Variants in SBF2 observed in about 807,000 individuals in gnomAD.
SBF2 encodes SET binding factor 2.
In SBF2, 112 loss-of-function variants were observed where a neutral mutation model predicts 225.2. The observed-to-expected ratio is 0.50, with a 90% CI of 0.43 to 0.58. SBF2 has a LOEUF of 0.58. SBF2 is among the 20% of genes least tolerant of loss of function. The pLI, the probability that SBF2 is intolerant of heterozygous loss-of-function variation, is 0.00. For synonymous variants in SBF2, 763 were observed against 773.3 expected (o/e 0.99, Z 0.22); for missense variants, 1,996 against 2,206.2 (o/e 0.90, Z 1.91).
At chr11:10,105,834 T>C (rs770287056) in intron 2 of SBF2, among the ~76,000 whole-genome samples, 16 of 152,108 alleles carry the variant, frequency 1.1e-4, no homozygotes, top group Non-Finnish European at 2.2e-4. Flanking sequence ...ACTCTAAAAA[T>C]ACAATCTAAT....
chr11:10,282,149 A>G (rs1963449082), intron 1 of SBF2, among the ~76,000 whole-genome samples: 1 of 152,142 alleles, frequency 6.6e-6, no homozygotes, highest in Non-Finnish European at 1.5e-5. Flanking sequence ...TTTTCAGCAC[A>G]TTTGACATTT....
At chr11:10,271,993 A>T in intron 1 of SBF2, 1 of 863,892 alleles carries the variant, frequency 1.2e-6, no homozygotes, top group Non-Finnish European at 1.7e-6. Context: ...TTGAGACTTG[A>T]AGGCAGTCAT....
chr11:10,290,424 C>T (rs534373487), intron 1 of SBF2, among the ~76,000 whole-genome samples: 7 of 152,038 alleles, frequency 4.6e-5, no homozygotes, highest in South Asian at 2.1e-4. Flanking sequence ...GAGTGGGGTA[C>T]GAAGTGTGTC....
In SBF2 at chr11:9,862,693, T is replaced by C. The variant is rs529783716; in HGVS notation, c.1930-4297A>G. ...TTTTAGTAAACAGAGAAAATAAGCATCTATGGATAAAACTATCTTCTGATT... is the reference window on the plus strand; with the variant it reads ...TTTTAGTAAACAGAGAAAATAAGCACCTATGGATAAAACTATCTTCTGATT... On this transcript the variant is annotated intron_variant, in intron 17 of 39. Coordinates refer to ENST00000256190, the MANE Select transcript of SBF2 (RefSeq NM_030962.4). 2.6e-5 allele frequency among the ~76,000 whole-genome samples: 4 copies of C among 152,140 alleles called. No homozygotes were observed. In the South Asian group the frequency reaches 6.2e-4, roughly 24 times the overall value.
At chr11:9,904,609 T>C (rs1029740881) in intron 16 of SBF2, among the ~76,000 whole-genome samples, 5 of 152,212 alleles carry the variant, frequency 3.3e-5, no homozygotes, top group Admixed American at 6.5e-5. Flanking sequence ...TTAGAGCTAA[T>C]AGATATGTAT....
chr11:10,030,982 A>C, intron 4 of SBF2, 66 bp downstream of exon 4: 7 of 1,346,906 alleles, frequency 5.2e-6, no homozygotes, highest in Non-Finnish European at 7.4e-6. Context: ...AAGAACTTGT[A>C]CCATGGTTCA....
At chr11:10,155,381 T>C (rs1240683923) in intron 2 of SBF2, among the ~76,000 whole-genome samples, 1 of 139,054 alleles carries the variant, frequency 7.2e-6, no homozygotes, top group Non-Finnish European at 1.6e-5. Context: ...ACAGTTATAT[T>C]AGAAGAGGGT....
At position 10,016,799 on chromosome 11, in the gene SBF2, T is replaced by G. The variant is rs528307900; in HGVS notation, c.619+11653A>C. The G allele has an allele frequency of 2.0e-5, 3 of 152,322 alleles. No homozygotes were observed. The South Asian group carries it at 6.2e-4, about 32-fold the overall frequency. 9.4% of individuals were successfully genotyped at this position (152,322 alleles called of 1,614,324 possible). On this transcript the variant is annotated intron_variant, in intron 6 of 39. Coordinates refer to ENST00000256190, the MANE Select transcript of SBF2 (RefSeq NM_030962.4). ...CCGTGCCTGGCAAGTTTTACATAATTAATAATCTCAAATATTTTAAATTAC... is the reference window on the plus strand; with the variant it reads ...CCGTGCCTGGCAAGTTTTACATAATGAATAATCTCAAATATTTTAAATTAC...
At chr11:10,056,621 T>A (rs113041378) in intron 2 of SBF2, among the ~76,000 whole-genome samples, 73 of 152,344 alleles carry the variant, frequency 4.8e-4, no homozygotes, top group African/African-American at 1.7e-3. Flanking sequence ...AAGATGTTTA[T>A]TAGCTGAAGA....
intron 6 of SBF2, among the ~76,000 whole-genome samples, chr11:10,006,036 C>T (rs1590736745): frequency 6.6e-6 from 1 of 152,150 alleles, no homozygotes; most frequent in African/African-American, 2.4e-5. Context: ...AAGCCTAAAA[C>T]CATGCAATGT....
chr11:10,014,909 C>A (rs1212726251), intron 6 of SBF2, among the ~76,000 whole-genome samples: 1 of 152,026 alleles, frequency 6.6e-6, no homozygotes, highest in African/African-American at 2.4e-5. Context: ...GTAGGTAGAT[C>A]GCTTGAGCCC....
At chr11:10,033,689 C>CACACACACACAA (rs1491376670) in intron 3 of SBF2, among the ~76,000 whole-genome samples, 36 of 143,732 alleles carry the variant, frequency 2.5e-4, no homozygotes, top group Non-Finnish European at 4.8e-4. Context: ...CACACACACA[C>CACACACACACAA]AACAAATAAA....
chr11:10,046,735 A>G (rs1214032367), intron 2 of SBF2, among the ~76,000 whole-genome samples: 1 of 151,986 alleles, frequency 6.6e-6, no homozygotes, highest in African/African-American at 2.4e-5. Context: ...TGCCCCTTTC[A>G]CCACTGCTTC....
intron 2 of SBF2, among the ~76,000 whole-genome samples, chr11:10,152,462 T>A (rs1283169113): frequency 6.6e-6 from 1 of 151,682 alleles, no homozygotes; most frequent in Non-Finnish European, 1.5e-5. Context: ...GGCAGGAGAA[T>A]CGCTTGAACC....
At chr11:10,227,139 G>A (rs1958602249) in intron 1 of SBF2, among the ~76,000 whole-genome samples, 1 of 152,130 alleles carries the variant, frequency 6.6e-6, no homozygotes, top group Non-Finnish European at 1.5e-5. Context: ...AGAAGTGTCT[G>A]TTCATATCCT....
chr11:10,018,023 GA>G (rs969616704), intron 6 of SBF2, among the ~76,000 whole-genome samples: 1 of 151,950 alleles, frequency 6.6e-6, no homozygotes, highest in Non-Finnish European at 1.5e-5. Flanking sequence ...CTAAATTTAA[GA>G]ATTAGGAAGC....
At chr11:10,169,074 G>C (rs936165973) in intron 2 of SBF2, among the ~76,000 whole-genome samples, 1 of 151,982 alleles carries the variant, frequency 6.6e-6, no homozygotes, top group Non-Finnish European at 1.5e-5. Flanking sequence ...GGGTACACAG[G>C]TATATACATT....
rs191187809 is a variant in SBF2 at position 10,303,427 on chromosome 11, A to G, written n.386+1065T>C. ...CATTTCTTCCCCAGGTGCAATGTCCACTGTTGAGTCCCGAGAGTGAAAAGG... is the reference window on the plus strand; with the variant it reads ...CATTTCTTCCCCAGGTGCAATGTCCGCTGTTGAGTCCCGAGAGTGAAAAGG... On this transcript the variant is annotated intron_variant and non_coding_transcript_variant, in intron 1 of 5. Coordinates refer to the SBF2 transcript ENST00000685217. The surrounding 1 kb of genome is among the most constrained non-coding windows in gnomAD (Gnocchi z 5.2). 6.6e-6 allele frequency: 1 copy of G among 152,468 alleles called. No homozygotes were observed. Among genetic ancestry groups the G allele is most frequent in the East Asian group, 1.9e-4 (1 of 5,184 alleles). 9.4% of individuals were successfully genotyped at this position (152,468 alleles called of 1,614,324 possible).
intron 1 of SBF2, among the ~76,000 whole-genome samples, chr11:10,262,879 C>G (rs1200638980): frequency 6.6e-6 from 1 of 151,700 alleles, no homozygotes; most frequent in African/African-American, 2.4e-5. Flanking sequence ...GCTATGACAC[C>G]AGAGGTCTCA....
Sources: allele counts gnomAD v4.1 joint callset (sites outside exome capture counted in the v4.1 genomes callset), GRCh38; gene constraint gnomAD v4.1.1; non-coding constraint Gnocchi (gnomAD v3.1); transcripts MANE v1.5; gene names NCBI Gene and HGNC (gene_info 2026-07-23, HGNC 2026-07-21).